The following SLC4A10 variants were observed in gnomAD, a reference collection of about 807,000 sequenced individuals.
SLC4A10 encodes the protein solute carrier family 4 member 10.
Under a neutral mutation model 137.7 loss-of-function variants are expected in SLC4A10, and 42 were observed. The observed-to-expected ratio is 0.30, with a 90% CI of 0.24 to 0.39. The LOEUF (loss-of-function observed/expected upper bound fraction) is 0.39, where lower values mean the gene tolerates loss of function less well. SLC4A10 is among the 10% of genes least tolerant of loss of function. The pLI is 1.00. For missense variants in SLC4A10, 925 were observed against 1,355.0 expected (o/e 0.68, Z 4.98); for synonymous variants, 474 against 464.1 (o/e 1.02, Z -0.27).
At chr2:161,711,621 G>A (rs1210929978) in intron 1 of SLC4A10, among the ~76,000 whole-genome samples, 1 of 151,722 alleles carries the variant, frequency 6.6e-6, no homozygotes, top group African/African-American at 2.4e-5. Context: ...ATCCCAAACT[G>A]GAACACGCTG....
rs952446963 is a variant in SLC4A10 at position 161,795,623 on chromosome 2, T to C, written c.131-8826T>C. Among the ~76,000 whole-genome samples, 5 of 152,260 alleles carry C rather than the reference T, an allele frequency of 3.3e-5. No individual in the cohort carries two copies. In the East Asian group the frequency reaches 9.6e-4, roughly 29 times the overall value. Reference sequence around the variant, plus strand: ...TCAACCTCTTGGAAGATTTTAAGTATACAATGCAGTATTGTTAGCTATAGG... The same window carrying C: ...TCAACCTCTTGGAAGATTTTAAGTACACAATGCAGTATTGTTAGCTATAGG... On this transcript the variant is annotated intron_variant, in intron 2 of 26. Coordinates refer to ENST00000446997, the MANE Select transcript of SLC4A10 (RefSeq NM_001178015.2).
At chr2:161,709,522 G>A (rs556488931) in intron 1 of SLC4A10, among the ~76,000 whole-genome samples, 38 of 151,694 alleles carry the variant, frequency 2.5e-4, no homozygotes, top group African/African-American at 8.7e-4. Context: ...GAAGAAAGGA[G>A]ACTATAAATC....
At chr2:161,913,481 C>G (rs933432980) in intron 15 of SLC4A10, among the ~76,000 whole-genome samples, 3 of 152,150 alleles carry the variant, frequency 2.0e-5, no homozygotes, top group African/African-American at 7.2e-5. Context: ...AACCTTTGCT[C>G]TTATAACTAT....
At chr2:161,869,673 G>A (rs1293684715) in intron 6 of SLC4A10, among the ~76,000 whole-genome samples, 1 of 151,486 alleles carries the variant, frequency 6.6e-6, no homozygotes, top group Non-Finnish European at 1.5e-5. Context: ...CACATTTAAT[G>A]TACATTGTTT....
At chr2:161,771,857 T>C (rs901592014) in intron 2 of SLC4A10, among the ~76,000 whole-genome samples, 5 of 151,800 alleles carry the variant, frequency 3.3e-5, no homozygotes, top group African/African-American at 1.2e-4. Flanking sequence ...CATCTTTTGA[T>C]TGAAAAGTAA....
intron 1 of SLC4A10, among the ~76,000 whole-genome samples, chr2:161,714,563 G>A (rs1471196254): frequency 6.6e-6 from 1 of 151,802 alleles, no homozygotes; most frequent in Non-Finnish European, 1.5e-5. Flanking sequence ...TATGATGTGT[G>A]GCGTGTAAAT....
At chr2:161,906,094 G>T (rs79065134) in intron 15 of SLC4A10, among the ~76,000 whole-genome samples, 3,594 of 152,130 alleles carry the variant, frequency 0.024, 151 homozygotes, top group African/African-American at 0.082. Flanking sequence ...TACCATCTCT[G>T]CCAAGAGTAT....
intron 1 of SLC4A10, among the ~76,000 whole-genome samples, chr2:161,748,202 T>C (rs1376449492): frequency 6.6e-6 from 1 of 152,148 alleles, no homozygotes; most frequent in Non-Finnish European, 1.5e-5. Flanking sequence ...TTTTCAAATA[T>C]TTTCTCCCAT....
intron 1 of SLC4A10, among the ~76,000 whole-genome samples, chr2:161,709,073 G>A (rs922394685): frequency 2.0e-5 from 3 of 151,106 alleles, no homozygotes; most frequent in South Asian, 2.1e-4. Flanking sequence ...GGGGGAGAGG[G>A]CGGTAAAGGA....
At chr2:161,746,604 T>A (rs776108466) in intron 1 of SLC4A10, among the ~76,000 whole-genome samples, 1 of 152,114 alleles carries the variant, frequency 6.6e-6, no homozygotes, top group Non-Finnish European at 1.5e-5. Context: ...GGTACCCAAG[T>A]TACCAAAGTC....
At chr2:161,949,918 G>A (rs1223055008) in intron 18 of SLC4A10, among the ~76,000 whole-genome samples, 16 of 151,628 alleles carry the variant, frequency 1.1e-4, no homozygotes, top group Non-Finnish European at 2.2e-4. Context: ...TCATGTGAGC[G>A]CTCAAAAGTT....
At chr2:161,940,554 C>T (rs747715307) in intron 15 of SLC4A10, among the ~76,000 whole-genome samples, 28 of 152,288 alleles carry the variant, frequency 1.8e-4, no homozygotes, top group African/African-American at 6.0e-4. Flanking sequence ...GCTCTGAAGC[C>T]GCGCGTCAGA....
At chr2:161,680,891 G>A (rs1449178296) in intron 1 of SLC4A10, among the ~76,000 whole-genome samples, 2 of 152,044 alleles carry the variant, frequency 1.3e-5, no homozygotes, top group African/African-American at 4.8e-5. Flanking sequence ...ATGAGATGAT[G>A]AGAACTCAGG....
chr2:161,959,852 A>G (rs140396480), intron 21 of SLC4A10, among the ~76,000 whole-genome samples: 32 of 152,310 alleles, frequency 2.1e-4, no homozygotes, highest in African/African-American at 7.2e-4. Context: ...CTAAATTTTT[A>G]CAGAAGCTGT....
At chr2:161,965,968 A>G (rs1697499923) in intron 23 of SLC4A10, among the ~76,000 whole-genome samples, 1 of 152,216 alleles carries the variant, frequency 6.6e-6, no homozygotes. Context: ...TCACATAAAT[A>G]GAAATGAGAT....
intron 20 of SLC4A10, among the ~76,000 whole-genome samples, chr2:161,957,991 A>G (rs944238585): frequency 6.6e-5 from 10 of 152,220 alleles, no homozygotes; most frequent in African/African-American, 2.4e-4. Flanking sequence ...ATTATGTTAT[A>G]GACATAAGAT....
intron 1 of SLC4A10, among the ~76,000 whole-genome samples, chr2:161,691,145 T>C (rs1486733618): frequency 6.6e-6 from 1 of 152,132 alleles, no homozygotes; most frequent in African/African-American, 2.4e-5. Flanking sequence ...ACTTTCATTA[T>C]ACATCAAGAA....
intron 5 of SLC4A10, among the ~76,000 whole-genome samples, chr2:161,859,599 T>TTTTC (rs2060306024): frequency 2.9e-5 from 3 of 102,752 alleles, no homozygotes; most frequent in African/African-American, 1.1e-4. Flanking sequence ...CTTTTCTTTT[T>TTTTC]TTTTTTTTTT....
chr2:161,767,217 C>CAT lies in SLC4A10; in HGVS notation c.49-3742_49-3741dup, dbSNP rs72199258. On this transcript the variant is annotated intron_variant, in intron 1 of 26. Coordinates refer to ENST00000446997, the MANE Select transcript of SLC4A10 (RefSeq NM_001178015.2). Reference sequence around the variant, plus strand: ...GTGTGTGTGTGTATATATATATACACATATATATATATATACACATATATA... The same window carrying CAT: ...GTGTGTGTGTGTATATATATATACACATATATATATATATATACACATATATA... 2.2e-3 allele frequency among the ~76,000 whole-genome samples: 202 copies of CAT among 92,336 alleles called. 1 individual carries two copies. Among genetic ancestry groups the CAT allele is most frequent in the South Asian group, 7.8e-3 (22 of 2,838 alleles). The allele number at this position is 92,336 out of a possible 152,430, so 60.6% of individuals were successfully genotyped here.
Sources: allele counts gnomAD v4.1 joint callset (sites outside exome capture counted in the v4.1 genomes callset), GRCh38; gene constraint gnomAD v4.1.1; transcripts MANE v1.5; gene names NCBI Gene and HGNC (gene_info 2026-07-23, HGNC 2026-07-21).